Variants in CAMK2D observed in about 807,000 individuals in gnomAD.
The protein encoded by CAMK2D is calcium/calmodulin-dependent protein kinase type II subunit delta.
Under a neutral mutation model 84.0 loss-of-function variants are expected in CAMK2D, and 37 were observed. The ratio of observed to expected loss-of-function variants is 0.44; its 90% CI spans 0.34 to 0.58. The LOEUF is 0.58. CAMK2D is among the 20% of genes least tolerant of loss of function. The probability of loss-of-function intolerance (pLI) is 0.02; values close to 1 mark genes in which losing one functional copy is unlikely to be tolerated. For synonymous variants in CAMK2D, 202 were observed against 212.5 expected, an observed-to-expected ratio of 0.95 and a Z score of 0.43; for missense variants, 448 against 652.5, an observed-to-expected ratio of 0.69 and a Z score of 3.41.
intron 4 of CAMK2D, among the ~76,000 whole-genome samples, chr4:113,569,088 T>G (rs10019127): frequency 0.053 from 8,051 of 152,094 alleles, 612 homozygotes; most frequent in African/African-American, 0.17. Flanking sequence ...TTGCTATGTT[T>G]CCCAGGCTGG....
chr4:113,521,797 G>A (rs1216345934), intron 8 of CAMK2D, among the ~76,000 whole-genome samples: 1 of 152,088 alleles, frequency 6.6e-6, no homozygotes, highest in African/African-American at 2.4e-5. Flanking sequence ...AATATTTATA[G>A]ATGTATTGAT....
intron 3 of CAMK2D, among the ~76,000 whole-genome samples, chr4:113,615,387 C>T (rs2154271095): frequency 6.6e-6 from 1 of 152,218 alleles, no homozygotes; most frequent in South Asian, 2.1e-4. Context: ...AAATTACACT[C>T]TCTGGAGAGA....
intron 3 of CAMK2D, among the ~76,000 whole-genome samples, chr4:113,645,779 C>A (rs188554234): frequency 1.3e-5 from 2 of 152,116 alleles, no homozygotes; most frequent in South Asian, 2.1e-4. Context: ...TCAAAATGCT[C>A]CCGAGGAAGG....
rs190086018 is a variant in CAMK2D at position 113,554,561 on chromosome 4, A to G, written c.276-2465T>C. On this transcript the variant is annotated intron_variant, in intron 4 of 20. Coordinates refer to ENST00000511664, the MANE Select transcript of CAMK2D (RefSeq NM_001321571.2). ...TTCATTCGTCCCATTATTTAAAAAT[A>G]TCTTTACACAAATGAAACCATTTTA... Among the ~76,000 whole-genome samples, 292 of 152,296 alleles carry G rather than the reference A, an allele frequency of 1.9e-3. 2 individuals carry two copies. The highest frequency in any genetic ancestry group is 2.9e-3 in the Non-Finnish European group (195 of 67,992).
chr4:113,716,566 G>A (rs1051953060), intron 2 of CAMK2D, among the ~76,000 whole-genome samples: 10 of 143,706 alleles, frequency 7.0e-5, no homozygotes, highest in Non-Finnish European at 1.2e-4. Flanking sequence ...CAGGAGAATC[G>A]CTTGAACCTG....
intron 2 of CAMK2D, among the ~76,000 whole-genome samples, chr4:113,713,412 TTATTA>T (rs1268233977): frequency 1.3e-5 from 2 of 148,900 alleles, no homozygotes; most frequent in African/African-American, 2.4e-5. Context: ...AATATTAATA[TTATTA>T]TATTATATAT....
At chr4:113,571,843 A>G (rs2098755046) in intron 4 of CAMK2D, among the ~76,000 whole-genome samples, 1 of 152,212 alleles carries the variant, frequency 6.6e-6, no homozygotes, top group Admixed American at 6.5e-5. Flanking sequence ...TATTCTTTCA[A>G]TGTGAGACAC....
intron 3 of CAMK2D, among the ~76,000 whole-genome samples, chr4:113,617,354 T>C (rs1030425272): frequency 5.3e-5 from 8 of 151,832 alleles, no homozygotes; most frequent in African/African-American, 1.9e-4. Flanking sequence ...TCCTAGCTAC[T>C]CATGAGGCTG....
At chr4:113,627,751 G>C (rs1045131629) in intron 3 of CAMK2D, among the ~76,000 whole-genome samples, 4 of 152,172 alleles carry the variant, frequency 2.6e-5, no homozygotes, top group Non-Finnish European at 4.4e-5. Flanking sequence ...CATTTGCTTA[G>C]TGTTTATAAA....
intron 3 of CAMK2D, among the ~76,000 whole-genome samples, chr4:113,657,038 T>C (rs2099204198): frequency 6.6e-6 from 1 of 152,152 alleles, no homozygotes; most frequent in Non-Finnish European, 1.5e-5. Context: ...TTAGTCCAGT[T>C]CAGCAACTCC....
Position 113,457,514 on chromosome 4 carries a change from A to G in CAMK2D, c.1356T>C (p.His452=), listed in dbSNP as rs774320839. The G allele has an allele frequency of 1.2e-5, 19 of 1,613,450 alleles. No individual in the cohort carries two copies. Among genetic ancestry groups the G allele is most frequent in the East Asian group, 8.9e-5 (4 of 44,888 alleles). ...KPIHTIILNP[H]VHLVGDDAAC... ...CGGCATCATCCCCTACCAGATGTACATGAGGGTTTAGAATAATAGTGTGGA... is the reference window on the plus strand; with the variant it reads ...CGGCATCATCCCCTACCAGATGTACGTGAGGGTTTAGAATAATAGTGTGGA... Residue 452 remains histidine, a synonymous_variant, in exon 19 of 21, where the codon CAT becomes CAC. Transcript: ENST00000511664.
rs148309621 is a variant in CAMK2D at position 113,652,668 on chromosome 4, C to T, written c.220+9045G>A. ...TTTCTTTCAAATTTCAGTTTAGGGC[C>T]GACTTCTGAGCTGAAGAAATTACTA... On this transcript the variant is annotated intron_variant, in intron 3 of 20. Transcript: ENST00000511664. 9.1e-4 allele frequency among the ~76,000 whole-genome samples: 139 copies of T among 152,184 alleles called. 1 individual carries two copies. In the Middle Eastern group the frequency reaches 0.017, roughly 19 times the overall value.
Position 113,759,382 on chromosome 4 carries a change from T to G in CAMK2D, c.98A>C (p.Lys33Thr). Residue 33 changes from lysine to threonine, a missense_variant, in exon 2 of 21, where the codon AAA becomes ACA. Coordinates refer to ENST00000511664, the MANE Select transcript of CAMK2D (RefSeq NM_001321571.2). The part of the protein sequence containing the change: ...GAFSVVRRCM[K>T]IPTGQEYAAK... ...AGCATATTCTTGTCCAGTAGGAATTTTCATACATCTTCTCACCACTGAGAA... is the reference window on the plus strand; with the variant it reads ...AGCATATTCTTGTCCAGTAGGAATTGTCATACATCTTCTCACCACTGAGAA... 6.2e-7 allele frequency: 1 copy of G among 1,608,182 alleles called. No homozygotes were observed. The highest frequency in any genetic ancestry group is 8.5e-7 in the Non-Finnish European group (1 of 1,176,634).
chr4:113,661,070 C>G (rs983524596), intron 3 of CAMK2D, among the ~76,000 whole-genome samples: 1 of 152,172 alleles, frequency 6.6e-6, no homozygotes, highest in Admixed American at 6.5e-5. Flanking sequence ...GCTGGGATTA[C>G]AGGCATGAGC....
Position 113,486,691 on chromosome 4 carries a change from A to G in CAMK2D, c.1135+13772T>C, listed in dbSNP as rs144556949. 3.0e-3 allele frequency among the ~76,000 whole-genome samples: 454 copies of G among 152,360 alleles called. 4 individuals carry two copies. Among genetic ancestry groups the G allele is most frequent in the African/African-American group, 0.011 (444 of 41,572 alleles). On this transcript the variant is annotated intron_variant, in intron 16 of 20. Transcript: ENST00000511664. ...CTGATGCTATACTTACATGATAGCCAATGCTGTTAAATTATTTTTTAATAT... is the reference window on the plus strand; with the variant it reads ...CTGATGCTATACTTACATGATAGCCGATGCTGTTAAATTATTTTTTAATAT...
chr4:113,691,588 A>G (rs2099387267), intron 2 of CAMK2D, among the ~76,000 whole-genome samples: 1 of 152,100 alleles, frequency 6.6e-6, no homozygotes, highest in Non-Finnish European at 1.5e-5. Context: ...CACCGTCTCT[A>G]TGAAAAGTAC....
intron 2 of CAMK2D, among the ~76,000 whole-genome samples, chr4:113,738,471 T>C (rs893414927): frequency 1.3e-5 from 2 of 152,096 alleles, no homozygotes; most frequent in African/African-American, 4.8e-5. Flanking sequence ...TCCAGTAGAC[T>C]TACCAACCTG....
intron 2 of CAMK2D, among the ~76,000 whole-genome samples, chr4:113,675,944 G>A (rs2099316599): frequency 6.6e-6 from 1 of 152,154 alleles, no homozygotes; most frequent in African/African-American, 2.4e-5. Flanking sequence ...AGCCAGATGA[G>A]GAAACTCCTT....
At chr4:113,666,315 G>A (rs866489224) in intron 2 of CAMK2D, among the ~76,000 whole-genome samples, 3 of 152,072 alleles carry the variant, frequency 2.0e-5, no homozygotes, top group African/African-American at 7.2e-5. Context: ...GGGGGTTGGG[G>A]GAAGATCTAA....
Sources: gnomAD v4.1 joint callset for allele counts (sites outside exome capture counted in the v4.1 genomes callset) on GRCh38, gnomAD v4.1.1 for gene constraint, MANE v1.5 for transcripts, NCBI Gene and HGNC (gene_info 2026-07-23, HGNC 2026-07-21) for gene names.